Variants in DTNB observed in about 807,000 individuals in gnomAD.
DTNB encodes DTN-B.
In DTNB, 63 loss-of-function variants were observed where a neutral mutation model predicts 90.7. The observed-to-expected ratio is 0.69, with a 90% CI of 0.57 to 0.86. DTNB has a LOEUF of 0.86. Ranked by LOEUF, DTNB falls within the 40% of genes least tolerant of loss-of-function variation. The probability of loss-of-function intolerance (pLI) is 0.00; values close to 1 mark genes in which losing one functional copy is unlikely to be tolerated. For synonymous variants in DTNB, 277 were observed against 286.7 expected (o/e 0.97, Z 0.34); for missense variants, 744 against 807.1 (o/e 0.92, Z 0.95).
chr2:25,455,546 G>C, intron 10 of DTNB, 52 bp from the exon 11 acceptor site: 1 of 1,451,688 alleles, frequency 6.9e-7, no homozygotes. Flanking sequence ...ACATACAGAG[G>C]GAGAAATGAA....
intron 9 of DTNB, among the ~76,000 whole-genome samples, chr2:25,503,885 C>G (rs2071513758): frequency 6.6e-6 from 1 of 151,668 alleles, no homozygotes; most frequent in Admixed American, 6.6e-5. Flanking sequence ...CCACTGAGCT[C>G]CAGCCTGGGC....
chr2:25,552,749 C>T (rs2056530757), intron 8 of DTNB, among the ~76,000 whole-genome samples: 2 of 151,994 alleles, frequency 1.3e-5, no homozygotes, highest in African/African-American at 4.8e-5. Context: ...AAGTAAGGTG[C>T]CCTCCGTCTA....
intron 10 of DTNB, among the ~76,000 whole-genome samples, chr2:25,463,975 G>A (rs1042367083): frequency 4.6e-5 from 7 of 152,114 alleles, no homozygotes; most frequent in Non-Finnish European, 7.4e-5. Flanking sequence ...GCGCAATCTC[G>A]GCTCACTGCA....
chr2:25,526,395 A>ATATATATATATTTTTT, intron 9 of DTNB, among the ~76,000 whole-genome samples: 3 of 49,826 alleles, frequency 6.0e-5, no homozygotes, highest in African/African-American at 9.8e-5. Flanking sequence ...ATATATATAT[A>ATATATATATATTTTTT]TTTTTTTTTT....
At chr2:25,436,465 C>G (rs1431273625) in intron 12 of DTNB, among the ~76,000 whole-genome samples, 1 of 152,192 alleles carries the variant, frequency 6.6e-6, no homozygotes, top group Non-Finnish European at 1.5e-5. Flanking sequence ...TCTGTACACT[C>G]TTGGCTCTGC....
intron 2 of DTNB, among the ~76,000 whole-genome samples, chr2:25,648,862 G>A (rs948685193): frequency 3.3e-5 from 5 of 151,982 alleles, no homozygotes; most frequent in Non-Finnish European, 5.9e-5. Context: ...GGACATATCA[G>A]TTCTTTCACC....
chr2:25,430,097 T>A (rs1160755684), intron 14 of DTNB, among the ~76,000 whole-genome samples: 2 of 152,132 alleles, frequency 1.3e-5, no homozygotes, highest in Non-Finnish European at 2.9e-5. Flanking sequence ...TGGTAGGGAA[T>A]AAATATAGAT....
At chr2:25,665,619 C>T (rs1438104542) in intron 1 of DTNB, among the ~76,000 whole-genome samples, 2 of 151,246 alleles carry the variant, frequency 1.3e-5, no homozygotes, top group East Asian at 3.9e-4. Flanking sequence ...GAGCAAGACT[C>T]CGTCTCAAAA....
intron 9 of DTNB, among the ~76,000 whole-genome samples, chr2:25,486,368 G>A (rs2066142360): frequency 6.6e-6 from 1 of 152,182 alleles, no homozygotes; most frequent in Non-Finnish European, 1.5e-5. Context: ...GGAGGCTGGG[G>A]TGGGAGGATC....
chr2:25,427,849 G>T (rs1422638318), intron 14 of DTNB: 3 of 418,244 alleles, frequency 7.2e-6, no homozygotes, highest in Non-Finnish European at 1.3e-5. Context: ...GGAAAGTTTA[G>T]ATGACTATAT....
At chr2:25,381,905 A>G (rs992738339) in intron 19 of DTNB, among the ~76,000 whole-genome samples, 4 of 152,196 alleles carry the variant, frequency 2.6e-5, no homozygotes, top group Non-Finnish European at 4.4e-5. Context: ...TCCAGCCCCT[A>G]TGGGCCAAGA....
At chr2:25,502,872 C>T (rs1306529333) in intron 9 of DTNB, among the ~76,000 whole-genome samples, 1 of 121,078 alleles carries the variant, frequency 8.3e-6, no homozygotes, top group Non-Finnish European at 1.6e-5. Context: ...GTTGACAGAG[C>T]AACTGTCTAA....
At chr2:25,561,414 T>C (rs2058245067) in intron 8 of DTNB, among the ~76,000 whole-genome samples, 1 of 152,220 alleles carries the variant, frequency 6.6e-6, no homozygotes, top group Non-Finnish European at 1.5e-5. Context: ...GTCATTCCAA[T>C]GTCAGTTTAA....
chr2:25,580,129 C>A lies in DTNB; in HGVS notation c.709+592G>T, dbSNP rs541062441. Among the ~76,000 whole-genome samples the A allele has an allele frequency of 7.9e-5, 12 of 151,680 alleles. No individual in the cohort carries two copies. The South Asian group carries it at 2.5e-3, about 32-fold the overall frequency. The stretch of plus-strand genomic sequence containing the variant: ...CCCAAGTAGCTGGGATTGCAGGCAC[C>A]CACAACCACGCCCAGCTAATTTTTG... On this transcript the variant is annotated intron_variant, in intron 7 of 20. Transcript: ENST00000406818.
intron 15 of DTNB, among the ~76,000 whole-genome samples, chr2:25,420,578 C>T (rs7561221): frequency 0.011 from 1,599 of 151,922 alleles, 40 homozygotes; most frequent in African/African-American, 0.036. Flanking sequence ...TGCAATGGTG[C>T]GATATGGGCT....
At chr2:25,465,245 G>T (rs982589068) in intron 10 of DTNB, among the ~76,000 whole-genome samples, 1 of 151,900 alleles carries the variant, frequency 6.6e-6, no homozygotes, top group Non-Finnish European at 1.5e-5. Flanking sequence ...GCGTGGTGGC[G>T]GGCGCCTGTA....
At chr2:25,597,408 C>T (rs936651091) in intron 5 of DTNB, among the ~76,000 whole-genome samples, 11 of 151,718 alleles carry the variant, frequency 7.3e-5, no homozygotes, top group African/African-American at 1.9e-4. Flanking sequence ...GAGATCTATA[C>T]CTATTTAACA....
intron 9 of DTNB, among the ~76,000 whole-genome samples, chr2:25,503,727 A>G (rs1390730182): frequency 6.6e-6 from 1 of 151,442 alleles, no homozygotes; most frequent in Non-Finnish European, 1.5e-5. Context: ...ATCCTGGCTA[A>G]CACGGTGAAA....
chr2:25,646,312 C>T (rs1221289799), intron 2 of DTNB, among the ~76,000 whole-genome samples: 1 of 151,684 alleles, frequency 6.6e-6, no homozygotes, highest in African/African-American at 2.4e-5. Flanking sequence ...CCCATCTCTA[C>T]TAAAAAAAAA....
Sources: gnomAD v4.1 joint callset for allele counts (sites outside exome capture counted in the v4.1 genomes callset) on GRCh38, gnomAD v4.1.1 for gene constraint, MANE v1.5 for transcripts, NCBI Gene and HGNC (gene_info 2026-07-23, HGNC 2026-07-21) for gene names.